The following GPR173 variants were observed in gnomAD, a reference collection of about 807,000 sequenced individuals.
GPR173 encodes the protein probable G protein-coupled receptor 173.
GPR173 carries 2 observed loss-of-function variants against 13.9 expected under a neutral mutation model. The ratio of observed to expected loss-of-function variants is 0.14; its 90% CI spans 0.06 to 0.45. GPR173 has a LOEUF of 0.45. Among genes scored for constraint, GPR173 ranks in the 20% least tolerant of loss-of-function variants. The pLI is 0.98. For synonymous variants in GPR173, 131 were observed against 141.0 expected (o/e 0.93, Z 0.50); for missense variants, 202 against 340.5 (o/e 0.59, Z 3.20).
At chrX:53,062,222 A>G in intron 1 of GPR173, among the ~76,000 whole-genome samples, 1 of 110,898 alleles carries the variant, frequency 9.0e-6, no homozygotes, top group Admixed American at 9.7e-5. Flanking sequence ...AAGCCGTAGC[A>G]TTCTTCCTTG....
In GPR173 at chrX:53,079,286, A is replaced by T. The variant is rs190704243; in HGVS notation, c.*1543A>T. ...AGAACTGGGGAAGCCTGACCCATAC[A>T]GAATGGGGAGGGCACTCTAGGCAGG... is the stretch of plus-strand genomic sequence containing the variant. On this transcript the variant is annotated 3_prime_UTR_variant, in exon 2 of 2. Coordinates refer to ENST00000332582, the MANE Select transcript of GPR173 (RefSeq NM_018969.6). 4.9e-5 allele frequency: 6 copies of T among 122,198 alleles called. No individual in the cohort carries two copies. Among genetic ancestry groups the T allele is most frequent in the African/African-American group, 2.0e-4 (6 of 30,514 alleles). The allele number at this position is 122,198 out of a possible 1,213,427, so 10.1% of individuals were successfully genotyped here.
chrX:53,077,944 T>C lies in GPR173; in HGVS notation c.*201T>C. On this transcript the variant is annotated 3_prime_UTR_variant, in exon 2 of 2. Coordinates refer to ENST00000332582, the MANE Select transcript of GPR173 (RefSeq NM_018969.6). The stretch of plus-strand genomic sequence containing the variant: ...GGCGAGGGACTGGGAAAGAGGCATA[T>C]TTAGTTTTGTGGGGCCTGTCTCCGC... 5 of 428,158 alleles carry C rather than the reference T, an allele frequency of 1.2e-5. No homozygotes were observed. The highest frequency in any genetic ancestry group is 1.7e-5 in the Non-Finnish European group (4 of 240,972). The allele number at this position is 428,158 out of a possible 1,213,427, so 35.3% of individuals were successfully genotyped here.
chrX:53,062,508 A>G (rs1932138678), intron 1 of GPR173, among the ~76,000 whole-genome samples: 1 of 107,891 alleles, frequency 9.3e-6, no homozygotes, highest in Non-Finnish European at 1.9e-5. Context: ...AAGCAAGAAG[A>G]AAGGGGTAAC....
At chrX:53,060,985 GTA>G (rs199542491) in intron 1 of GPR173, among the ~76,000 whole-genome samples, 1,316 of 106,628 alleles carry the variant, frequency 0.012, 14 homozygotes, top group Middle Eastern at 0.024. Flanking sequence ...GAGGCTAACT[GTA>G]TACCATTTTG....
chrX:53,077,656 G>A lies in GPR173; in HGVS notation c.1035G>A (p.Lys345=). Residue 345 remains lysine, a synonymous_variant, in exon 2 of 2, where the codon AAG becomes AAA. Transcript: ENST00000332582. ...CAATTGTCTGCTTCCTGCTCAACAA[G>A]GACCTCAAGAAGTGCCTGAGGACTC... The part of the protein sequence containing the change: ...VNPIVCFLLN[K]DLKKCLRTHA... 1 of 1,209,635 alleles carries A rather than the reference G, an allele frequency of 8.3e-7. No homozygotes were observed. The highest frequency in any genetic ancestry group is 1.1e-6 in the Non-Finnish European group (1 of 893,713).
At chrX:53,070,514 C>T (rs190941370) in intron 1 of GPR173, among the ~76,000 whole-genome samples, 2 of 111,793 alleles carry the variant, frequency 1.8e-5, no homozygotes, top group Admixed American at 1.9e-4. Context: ...GATGGAGTTT[C>T]ACTCTTGTTA....
Position 53,076,823 on chromosome X carries a change from G to A in GPR173, c.202G>A (p.Asp68Asn). ...YYFLLDLCLA[D>N]GIRSAVCFPF... is the part of the protein sequence containing the mutation. ...CTTCCTGCTGGACCTGTGCCTGGCC[G>A]ATGGCATACGCTCTGCCGTCTGCTT... Residue 68 changes from aspartate (D) to asparagine (N), a missense_variant, in exon 2 of 2, where the codon GAT becomes AAT. This residue lies in a region of GPR173 where 98 missense variants were observed against 137.2 expected (regional missense o/e 0.71). Transcript: ENST00000332582. 1.7e-6 allele frequency: 2 copies of A among 1,209,556 alleles called. No homozygotes were observed. The highest frequency in any genetic ancestry group is 1.8e-5 in the South Asian group (1 of 57,008).
chrX:53,074,249 TAC>T (rs1932361082), intron 1 of GPR173, among the ~76,000 whole-genome samples: 2 of 97,549 alleles, frequency 2.1e-5, no homozygotes, highest in African/African-American at 4.0e-5. Context: ...TATATAAATA[TAC>T]ATTTATATTT....
At chrX:53,050,525 C>T (rs1358215081) in intron 1 of GPR173, among the ~76,000 whole-genome samples, 4 of 112,201 alleles carry the variant, frequency 3.6e-5, no homozygotes, top group Non-Finnish European at 5.6e-5. Context: ...TGCCACTTAC[C>T]GAACCTCAGT....
intron 1 of GPR173, chrX:53,064,904 T>C (rs1269276937): frequency 1.8e-5 from 2 of 111,985 alleles, no homozygotes; most frequent in African/African-American, 6.5e-5. Context: ...TTTTAACACA[T>C]GAACTTTAGG....
chrX:53,068,825 G>A (rs781924987), intron 1 of GPR173, among the ~76,000 whole-genome samples: 4 of 98,912 alleles, frequency 4.0e-5, no homozygotes, highest in Non-Finnish European at 6.0e-5. Flanking sequence ...TGATGGCTCA[G>A]GCTTGTAATC....
chrX:53,069,207 G>A (rs1177796179), intron 1 of GPR173, among the ~76,000 whole-genome samples: 4 of 104,808 alleles, frequency 3.8e-5, no homozygotes, highest in Non-Finnish European at 7.8e-5. Flanking sequence ...TGATCATCCC[G>A]CCTCAGCCTC....
At chrX:53,052,992 A>T in intron 1 of GPR173, among the ~76,000 whole-genome samples, 2 of 111,862 alleles carry the variant, frequency 1.8e-5, no homozygotes, top group South Asian at 7.4e-4. Flanking sequence ...ATCTGTGAGA[A>T]TGTAGGTGTA....
chrX:53,054,039 G>A (rs191991373), intron 1 of GPR173, among the ~76,000 whole-genome samples: 267 of 112,024 alleles, frequency 2.4e-3, no homozygotes, highest in African/African-American at 8.5e-3. Flanking sequence ...GATATCTAGG[G>A]TTGGTAAATA....
intron 1 of GPR173, among the ~76,000 whole-genome samples, chrX:53,060,031 TAC>T (rs1332378324): frequency 2.0e-5 from 2 of 101,188 alleles, no homozygotes; most frequent in Non-Finnish European, 3.9e-5. Flanking sequence ...TATATATATA[TAC>T]ACACACACAC....
intron 1 of GPR173, among the ~76,000 whole-genome samples, chrX:53,054,881 G>A (rs1209073002): frequency 1.8e-5 from 2 of 109,878 alleles, no homozygotes; most frequent in Non-Finnish European, 3.8e-5. Context: ...GTGGTTATAT[G>A]TGGATGATAT....
rs782495771 is a variant in GPR173, at chrX:53,058,731, G to A, written c.-98+9247G>A. Among the ~76,000 whole-genome samples the A allele has an allele frequency of 3.6e-5, 4 of 111,217 alleles. No homozygotes were observed. In the East Asian group the frequency reaches 8.4e-4, roughly 23 times the overall value. The stretch of plus-strand genomic sequence containing the variant: ...TGTAAGAACCAGTGGGGTGGGGCAC[G>A]GGAGGGCCTGGATCTATATAGGATG... On this transcript the variant is annotated intron_variant, in intron 1 of 1. Transcript: ENST00000332582.
chrX:53,077,998 T>TTC lies in GPR173; in HGVS notation c.*273_*274dup, dbSNP rs782279965. On this transcript the variant is annotated 3_prime_UTR_variant, in exon 2 of 2. Transcript: ENST00000332582. ...CTCCTTCTCCACTTCTACAATCTCA[T>TTC]TCTCTCTCTCTCTCTCTCTGTCTCT... 7.9e-4 allele frequency: 236 copies of TTC among 297,400 alleles called. No individual in the cohort carries two copies. Among genetic ancestry groups the TTC allele is most frequent in the Admixed American group, 3.0e-3 (49 of 16,569 alleles). 24.5% of individuals were successfully genotyped at this position (297,400 alleles called of 1,213,427 possible).
intron 1 of GPR173, among the ~76,000 whole-genome samples, chrX:53,058,424 C>CAT (rs1932071058): frequency 9.9e-6 from 1 of 100,935 alleles, no homozygotes; most frequent in African/African-American, 3.6e-5. Flanking sequence ...TCCAGGTGCA[C>CAT]GTGTGTGTGT....
Sources: gnomAD v4.1 joint callset for allele counts (sites outside exome capture counted in the v4.1 genomes callset) on GRCh38, gnomAD v4.1.1 for gene constraint, gnomAD v4.1.1 regional missense constraint, MANE v1.5 for transcripts, NCBI Gene and HGNC (gene_info 2026-07-23, HGNC 2026-07-21) for gene names.